The following PIMREG variants were observed in gnomAD, a reference collection of about 807,000 sequenced individuals.
PIMREG encodes the protein PICALM interacting mitotic regulator.
Under a neutral mutation model 24.3 loss-of-function variants are expected in PIMREG, and 19 were observed. The ratio of observed to expected loss-of-function variants is 0.78; its 90% CI spans 0.54 to 1.15. The LOEUF is 1.15. PIMREG is among the 50% of genes most tolerant of loss of function. The pLI is 0.00. For missense variants in PIMREG, 283 were observed against 306.8 expected, an observed-to-expected ratio of 0.92 and a Z score of 0.58; for synonymous variants, 112 against 124.1, an observed-to-expected ratio of 0.90 and a Z score of 0.65.
At chr17:6,447,850 T>G in intron 3 of PIMREG, 92 bp downstream of exon 3, 70 of 1,382,504 alleles carry the variant, frequency 5.1e-5, no homozygotes, top group Non-Finnish European at 6.2e-5. Flanking sequence ...AACTGGGCCC[T>G]AGGGGTTTCT....
chr17:6,447,726 C>T lies in PIMREG; in HGVS notation c.558C>T (p.Pro186=). 1 of 1,612,774 alleles carries T rather than the reference C, an allele frequency of 6.2e-7. No individual in the cohort carries two copies. Among genetic ancestry groups the T allele is most frequent in the South Asian group, 1.1e-5 (1 of 90,984 alleles). The part of the protein sequence containing the change: ...RSRREAAFRS[P]YSSTEPLCSP... ...GGCGGGAGGCTGCCTTCCGGAGCCC[C>T]TACTCCTCAACAGAGCCCCTCTGCT... The change falls in exon 3 of 6, where the codon CCC becomes CCT. Residue 186 remains proline, a synonymous_variant. Transcript: ENST00000572447.
In PIMREG at chr17:6,444,902, A is replaced by T. The variant is rs773431738; in HGVS notation, c.-35-174A>T. Reference sequence around the variant, plus strand: ...GGGCGGGACATCAGAAATGCTGCTGACCCGAGGCCCCTCTTCCAGGAAGCA... The same window carrying T: ...GGGCGGGACATCAGAAATGCTGCTGTCCCGAGGCCCCTCTTCCAGGAAGCA... On this transcript the variant is annotated intron_variant, in intron 1 of 5. Transcript: ENST00000572447. This position sits in a 1 kb window ranked among gnomAD's most constrained non-coding sequence, Gnocchi z 4.3. Among the ~76,000 whole-genome samples, 2 of 151,916 alleles carry T rather than the reference A, an allele frequency of 1.3e-5. No homozygotes were observed. Among genetic ancestry groups the T allele is most frequent in the Non-Finnish European group, 2.9e-5 (2 of 67,974 alleles).
intron 5 of PIMREG, 70 bp downstream of exon 5, chr17:6,450,142 A>G (rs1463496911): frequency 6.5e-7 from 1 of 1,530,544 alleles, no homozygotes; most frequent in African/African-American, 1.4e-5. Flanking sequence ...CAAGTTAAAG[A>G]AAAAGCCCAC....
At chr17:6,446,204 C>T (rs1290974262) in intron 2 of PIMREG, 2 of 400,930 alleles carry the variant, frequency 5.0e-6, no homozygotes, top group Non-Finnish European at 8.8e-6. Flanking sequence ...GTCTGTGGAC[C>T]CTTCAAGGGA....
In PIMREG at chr17:6,447,597, G is replaced by A. The variant is rs144713465; in HGVS notation, c.429G>A (p.Leu143=). The A allele has an allele frequency of 2.3e-5, 37 of 1,613,974 alleles. No homozygotes were observed. In the African/African-American group the frequency reaches 4.3e-4, roughly 19 times the overall value. The stretch of plus-strand genomic sequence containing the variant: ...GCCTGAGCCAGAAGAGCACCCGGCT[G>A]TCTGGAGCCGCCCCTGCCCACTCAG... ...THSLSQKSTR[L]SGAAPAHSAA... Residue 143 remains leucine, a synonymous_variant, in exon 3 of 6, where the codon CTG becomes CTA. Transcript: ENST00000572447.
rs1168417186 is a variant in PIMREG, at chr17:6,449,646, G to T, written c.686+239G>T. The T allele has an allele frequency of 3.0e-6, 4 of 1,350,978 alleles. No homozygotes were observed. The East Asian group carries it at 1.1e-4, about 36-fold the overall frequency. The allele number at this position is 1,350,978 out of a possible 1,614,324, so 83.7% of individuals were successfully genotyped here. A position where few individuals can be genotyped will look rare whatever the true frequency, so the allele number is the denominator to read the frequency against. On this transcript the variant is annotated intron_variant, in intron 4 of 5. Coordinates refer to ENST00000572447, the MANE Select transcript of PIMREG (RefSeq NM_019013.3). ...TTCTGGGCCTTGGGACCCCATGTTT[G>T]TCCATCACTTGGAACCTCACGTGTG...
At chr17:6,449,961 T>A in intron 4 of PIMREG, 67 bp from the exon 5 acceptor site, 1 of 1,549,182 alleles carries the variant, frequency 6.5e-7, no homozygotes, top group Non-Finnish European at 8.9e-7. Flanking sequence ...CTTGTGTAGC[T>A]CAGGCTGGGA....
intron 4 of PIMREG, 68 bp from the exon 5 acceptor site, chr17:6,449,960 C>A: frequency 6.5e-7 from 1 of 1,540,712 alleles, no homozygotes; most frequent in Non-Finnish European, 9.0e-7. Flanking sequence ...TCTTGTGTAG[C>A]TCAGGCTGGG....
In PIMREG at chr17:6,444,943, C is replaced by T; in HGVS notation, c.-35-133C>T. On this transcript the variant is annotated intron_variant, in intron 1 of 5. Transcript: ENST00000572447. This position sits in a 1 kb window ranked among gnomAD's most constrained non-coding sequence, Gnocchi z 4.3. The stretch of plus-strand genomic sequence containing the variant: ...CCAGGAAGCATCCTCCTTCCTGCAC[C>T]CACACTTACCAACTCGCCCGCCCCC... The T allele has an allele frequency of 1.7e-6, 1 of 604,416 alleles. No individual in the cohort carries two copies. The highest frequency in any genetic ancestry group is 2.7e-6 in the Non-Finnish European group (1 of 369,910). The allele number at this position is 604,416 out of a possible 1,614,324, so 37.4% of individuals were successfully genotyped here. A position where few individuals can be genotyped will look rare whatever the true frequency, so the allele number is the denominator to read the frequency against.
At chr17:6,447,905 C>T (rs995641504) in intron 3 of PIMREG, 147 bp downstream of exon 3, 28 of 718,050 alleles carry the variant, frequency 3.9e-5, no homozygotes, top group Admixed American at 5.9e-5. Flanking sequence ...CCCTGAGCAG[C>T]GTCATATTGT....
Position 6,445,969 on chromosome 17 carries a change from G to A in PIMREG, c.294+565G>A, listed in dbSNP as rs560134541. ...CTCTCCCAGGAATGATCAGGAGTCC[G>A]GAAGATTCTAAACAGTGGAAAGTCT... On this transcript the variant is annotated intron_variant, in intron 2 of 5. Transcript: ENST00000572447. 12 of 398,556 alleles carry A rather than the reference G, an allele frequency of 3.0e-5. No individual in the cohort carries two copies. In the South Asian group the frequency reaches 8.3e-4, roughly 28 times the overall value. 24.7% of individuals were successfully genotyped at this position (398,556 alleles called of 1,614,324 possible).
At chr17:6,445,441 T>TG in intron 2 of PIMREG, 37 bp downstream of exon 2, 1 of 1,564,358 alleles carries the variant, frequency 6.4e-7, no homozygotes, top group South Asian at 1.2e-5. Flanking sequence ...TTTTATGGAG[T>TG]GTTTCCTTGG....
At chr17:6,446,088 C>T (rs756945093) in intron 2 of PIMREG, 16 of 401,060 alleles carry the variant, frequency 4.0e-5, no homozygotes, top group Non-Finnish European at 7.1e-5. Context: ...AGGGTTTGGA[C>T]TTGCAGGGGA....
rs775632055 is a variant in PIMREG at position 6,447,739 on chromosome 17, G to T, written c.571G>T (p.Glu191Ter). ...AAFRSPYSST[E>*]PLCSPSESDS... ...CTTCCGGAGCCCCTACTCCTCAACA[G>T]AGCCCCTCTGCTCTCCCAGGCAAGT... The change falls in exon 3 of 6, where the codon GAG (glutamate) becomes TAG (stop). Residue 191 changes from glutamate to a stop codon, truncating the protein, a stop_gained. Coordinates refer to ENST00000572447, the MANE Select transcript of PIMREG (RefSeq NM_019013.3). LOFTEE classifies it high-confidence loss of function. 1 of 1,607,298 alleles carries T rather than the reference G, an allele frequency of 6.2e-7. No homozygotes were observed. Among genetic ancestry groups the T allele is most frequent in the Admixed American group, 1.7e-5 (1 of 59,770 alleles).
chr17:6,450,627 A>G lies in PIMREG; in HGVS notation c.*280A>G. The G allele has an allele frequency of 2.0e-6, 1 of 499,040 alleles. No homozygotes were observed. Among genetic ancestry groups the G allele is most frequent in the Non-Finnish European group, 3.5e-6 (1 of 283,964 alleles). The allele number at this position is 499,040 out of a possible 1,614,324, so 30.9% of individuals were successfully genotyped here. A position where few individuals can be genotyped will look rare whatever the true frequency, so the allele number is the denominator to read the frequency against. Reference sequence around the variant, plus strand: ...TCCTAGGGGACTCTTGAGCTTAGAAACTCATCGTACACTTGACCTTGAGCC... The same window carrying G: ...TCCTAGGGGACTCTTGAGCTTAGAAGCTCATCGTACACTTGACCTTGAGCC... On this transcript the variant is annotated 3_prime_UTR_variant, in exon 6 of 6. Coordinates refer to ENST00000572447, the MANE Select transcript of PIMREG (RefSeq NM_019013.3).
Position 6,447,554 on chromosome 17 carries a change from G to T in PIMREG, c.386G>T (p.Ser129Ile). Reference sequence around the variant, plus strand: ...CGGAAGAGAGGAGCACAGAAGGGCAGTGGATCCCCAACTCACAGCCTGAGC... The same window carrying T: ...CGGAAGAGAGGAGCACAGAAGGGCATTGGATCCCCAACTCACAGCCTGAGC... ...RRRKRGAQKG[S>I]GSPTHSLSQK... is the part of the protein sequence containing the mutation. The change falls in exon 3 of 6, where the codon AGT becomes ATT. Residue 129 changes from serine to isoleucine, a missense_variant. Physicochemically the swap from Ser to Ile is moderately radical, Grantham distance 142. Coordinates refer to ENST00000572447, the MANE Select transcript of PIMREG (RefSeq NM_019013.3). 2 of 1,614,182 alleles carry T rather than the reference G, an allele frequency of 1.2e-6. No individual in the cohort carries two copies. Among genetic ancestry groups the T allele is most frequent in the Non-Finnish European group, 1.7e-6 (2 of 1,180,042 alleles).
intron 3 of PIMREG, 82 bp downstream of exon 3, chr17:6,447,840 A>T (rs771279948): frequency 2.1e-6 from 3 of 1,447,940 alleles, no homozygotes; most frequent in Admixed American, 4.9e-5. Flanking sequence ...CCCAGACACC[A>T]ACTGGGCCCT....
intron 4 of PIMREG, 106 bp downstream of exon 4, chr17:6,449,513 C>T (rs1913726041): frequency 1.8e-6 from 2 of 1,126,484 alleles, no homozygotes; most frequent in South Asian, 1.6e-5. Context: ...TGACCCTGGC[C>T]AGTCTCTGCC....
At position 6,450,057 on chromosome 17, in the gene PIMREG, G is replaced by A. The variant is rs371088399; in HGVS notation, c.716G>A (p.Ter239=). Residue 239 remains the stop codon, a stop_retained_variant, in exon 5 of 6, where the codon TGA becomes TAA. Transcript: ENST00000572447. ...GACATCGTCTCTCTCATTCATGACT[G>A]AGGAAGTGCCTGCAGGTAATGCCCA... ...SGDIVSLIHD[*] is the part of the protein sequence containing the mutation. 1.9e-6 allele frequency: 3 copies of A among 1,614,026 alleles called. No individual in the cohort carries two copies. Among genetic ancestry groups the A allele is most frequent in the African/African-American group, 1.3e-5 (1 of 74,916 alleles).
Sources: gnomAD v4.1 joint callset for allele counts (sites outside exome capture counted in the v4.1 genomes callset) on GRCh38, gnomAD v4.1.1 for gene constraint, Gnocchi (gnomAD v3.1) non-coding constraint, MANE v1.5 for transcripts, NCBI Gene and HGNC (gene_info 2026-07-23, HGNC 2026-07-21) for gene names.